Variants in WNT3A observed in about 807,000 individuals in gnomAD.
WNT3A encodes protein Wnt-3a.
In WNT3A, 17 loss-of-function variants were observed where a neutral mutation model predicts 37.0. The ratio of observed to expected loss-of-function variants is 0.46; its 90% CI spans 0.31 to 0.69. The LOEUF (loss-of-function observed/expected upper bound fraction) is 0.69. Ranked by LOEUF, WNT3A falls within the 30% of genes least tolerant of loss-of-function variation. The pLI is 0.05. For missense variants in WNT3A, 411 were observed against 510.2 expected, an observed-to-expected ratio of 0.81 and a Z score of 1.87; for synonymous variants, 187 against 211.0, an observed-to-expected ratio of 0.89 and a Z score of 0.99.
chr1:228,013,872 C>T (rs1393118027), intron 1 of WNT3A, among the ~76,000 whole-genome samples: 2 of 152,222 alleles, frequency 1.3e-5, no homozygotes, highest in Non-Finnish European at 2.9e-5. Context: ...CATGGAGTGG[C>T]CCTGATCTTA....
At chr1:228,029,968 C>T (rs1207271284) in intron 2 of WNT3A, among the ~76,000 whole-genome samples, 1 of 152,160 alleles carries the variant, frequency 6.6e-6, no homozygotes, top group East Asian at 1.9e-4. Flanking sequence ...TAGCCAAGCA[C>T]AGTGCCTTGT....
intron 1 of WNT3A, among the ~76,000 whole-genome samples, chr1:228,014,666 A>T (rs760394910): frequency 2.0e-5 from 3 of 152,216 alleles, no homozygotes; most frequent in East Asian, 1.9e-4. Flanking sequence ...GCCACGTAAG[A>T]TGGGAAATTG....
intron 3 of WNT3A, 116 bp from the exon 4 acceptor site, chr1:228,058,870 C>G: frequency 5.6e-6 from 6 of 1,078,914 alleles, no homozygotes; most frequent in Non-Finnish European, 7.8e-6. Flanking sequence ...GGAGTCTGCC[C>G]CCTCTGCCCG....
In WNT3A at chr1:228,037,674, G is replaced by C. The variant is rs1301645606; in HGVS notation, c.314-12982G>C. Among the ~76,000 whole-genome samples, 1 of 152,190 alleles carries C rather than the reference G, an allele frequency of 6.6e-6. No homozygotes were observed. Among genetic ancestry groups the C allele is most frequent in the Non-Finnish European group, 1.5e-5 (1 of 68,030 alleles). On this transcript the variant is annotated intron_variant, in intron 2 of 3. Transcript: ENST00000284523. This position sits in a 1 kb window ranked among gnomAD's most constrained non-coding sequence, Gnocchi z 4.1. The stretch of plus-strand genomic sequence containing the variant: ...GTTGCCGTTTAAGATGCGTTGGGGT[G>C]GGGGGCTCCCCTGGCTCCAGCGGCC...
At chr1:228,055,193 T>A (rs1168034706) in intron 3 of WNT3A, among the ~76,000 whole-genome samples, 4 of 60,288 alleles carry the variant, frequency 6.6e-5, no homozygotes, top group East Asian at 6.6e-4. Flanking sequence ...TATATATATA[T>A]ATATATATAT....
intron 2 of WNT3A, among the ~76,000 whole-genome samples, chr1:228,046,857 T>G (rs978833797): frequency 2.6e-5 from 4 of 151,676 alleles, no homozygotes; most frequent in Non-Finnish European, 5.9e-5. Flanking sequence ...TGCATGTGCA[T>G]CAGGTGGGGT....
At position 228,042,947 on chromosome 1, in the gene WNT3A, G is replaced by C. The variant is rs1417325661; in HGVS notation, c.314-7709G>C. 3.3e-5 allele frequency among the ~76,000 whole-genome samples: 5 copies of C among 151,622 alleles called. No homozygotes were observed. The highest frequency in any genetic ancestry group is 7.4e-5 in the Non-Finnish European group (5 of 67,886). On this transcript the variant is annotated intron_variant, in intron 2 of 3. Transcript: ENST00000284523. This position sits in a 1 kb window ranked among gnomAD's most constrained non-coding sequence, Gnocchi z 5.2. ...GATGATGGATGGATGGATGGTGAAT[G>C]GATAGATGAATTTATAAGTGGATAC...
intron 2 of WNT3A, among the ~76,000 whole-genome samples, chr1:228,041,011 CTATATCTA>C (rs1360340249): frequency 1.1e-5 from 1 of 94,252 alleles, no homozygotes; most frequent in African/African-American, 5.0e-5. Context: ...TACTACATAT[CTATATCTA>C]TCTATCTATC....
At chr1:228,049,104 CTG>C (rs1207283517) in intron 2 of WNT3A, among the ~76,000 whole-genome samples, 2 of 152,216 alleles carry the variant, frequency 1.3e-5, no homozygotes, top group Non-Finnish European at 2.9e-5. Flanking sequence ...ATTTGGGGCA[CTG>C]GGGCTGGCCC....
intron 1 of WNT3A, among the ~76,000 whole-genome samples, chr1:228,010,793 C>T (rs955195112): frequency 6.6e-6 from 1 of 152,236 alleles, no homozygotes; most frequent in Non-Finnish European, 1.5e-5. Context: ...CCCTCACATC[C>T]CTCTGGGCCT....
intron 2 of WNT3A, among the ~76,000 whole-genome samples, chr1:228,035,107 A>C (rs911785184): frequency 3.9e-5 from 6 of 152,210 alleles, no homozygotes; most frequent in Non-Finnish European, 7.3e-5. Context: ...ACAATGGTGC[A>C]TGACTCGGGG....
intron 1 of WNT3A, among the ~76,000 whole-genome samples, chr1:228,013,873 C>T (rs542437864): frequency 3.9e-5 from 6 of 152,312 alleles, no homozygotes; most frequent in South Asian, 4.1e-4. Flanking sequence ...ATGGAGTGGC[C>T]CTGATCTTAA....
At chr1:228,029,112 G>C (rs1269322550) in intron 2 of WNT3A, among the ~76,000 whole-genome samples, 1 of 152,150 alleles carries the variant, frequency 6.6e-6, no homozygotes, top group Non-Finnish European at 1.5e-5. Context: ...ACACTACCAG[G>C]CTCTCCTAGC....
At chr1:228,032,337 G>T (rs764141833) in intron 2 of WNT3A, among the ~76,000 whole-genome samples, 17 of 152,180 alleles carry the variant, frequency 1.1e-4, no homozygotes, top group African/African-American at 1.7e-4. Flanking sequence ...GCACAGATCT[G>T]CACAGATGGG....
At chr1:228,034,206 G>A (rs1346933281) in intron 2 of WNT3A, among the ~76,000 whole-genome samples, 1 of 152,162 alleles carries the variant, frequency 6.6e-6, no homozygotes, top group African/African-American at 2.4e-5. Flanking sequence ...AGGTTGCAAT[G>A]AGCTGAGATC....
chr1:228,057,902 G>A lies in WNT3A; in HGVS notation c.580-1084G>A, dbSNP rs374251768. Among the ~76,000 whole-genome samples, 5 of 152,180 alleles carry A rather than the reference G, an allele frequency of 3.3e-5. No individual in the cohort carries two copies. In the South Asian group the frequency reaches 8.3e-4, roughly 25 times the overall value. ...CCCAGGCTGGATGGAGTGCAGTGGC[G>A]CAATCTCCGCTCACTGCTGCCTCCC... is the stretch of plus-strand genomic sequence containing the variant. On this transcript the variant is annotated intron_variant, in intron 3 of 3. Transcript: ENST00000284523.
chr1:228,017,163 G>C (rs1438954640), intron 1 of WNT3A, among the ~76,000 whole-genome samples: 1 of 152,194 alleles, frequency 6.6e-6, no homozygotes, highest in Non-Finnish European at 1.5e-5. Context: ...TTCCTGCTCT[G>C]GGAGGTCCCA....
chr1:228,020,689 T>C (rs1011526911), intron 1 of WNT3A, among the ~76,000 whole-genome samples: 1 of 152,154 alleles, frequency 6.6e-6, no homozygotes, highest in Non-Finnish European at 1.5e-5. Context: ...TGGGGCAGGA[T>C]ACCTGCGTGT....
chr1:228,018,198 A>G (rs2030587870), intron 1 of WNT3A, among the ~76,000 whole-genome samples: 2 of 152,214 alleles, frequency 1.3e-5, no homozygotes, highest in South Asian at 4.1e-4. Context: ...CACTCACTGC[A>G]GCCAATACTC....
Sources: gnomAD v4.1 joint callset for allele counts (sites outside exome capture counted in the v4.1 genomes callset) on GRCh38, gnomAD v4.1.1 for gene constraint, Gnocchi (gnomAD v3.1) non-coding constraint, MANE v1.5 for transcripts, NCBI Gene and HGNC (gene_info 2026-07-23, HGNC 2026-07-21) for gene names.